The following PADI4 variants were observed in gnomAD, a reference collection of about 807,000 sequenced individuals.
PADI4 encodes the protein protein-arginine deiminase type-4.
In PADI4, 62 loss-of-function variants were observed where a neutral mutation model predicts 75.0. The observed-to-expected ratio is 0.83, with a 90% confidence interval of 0.67 to 1.02. The LOEUF (loss-of-function observed/expected upper bound fraction) is 1.02. PADI4 is among the 50% of genes least tolerant of loss of function. PADI4 has a pLI of 0.00. For missense variants in PADI4, 845 were observed against 850.5 expected, an observed-to-expected ratio of 0.99 and a Z score of 0.08; for synonymous variants, 361 against 348.1, an observed-to-expected ratio of 1.04 and a Z score of -0.41.
rs534042437 is a variant in PADI4, at chr1:17,312,719, G to C, written c.92+4405G>C. On this transcript the variant is annotated intron_variant, in intron 1 of 15. Transcript: ENST00000375448. ...AAGCAGAGGGATAACTTTGATTTCT[G>C]TCCTTTGTTCCATGCCTGTGAAGAT... Among the ~76,000 whole-genome samples, 3 of 152,232 alleles carry C rather than the reference G, an allele frequency of 2.0e-5. No individual in the cohort carries two copies. The East Asian group carries it at 5.8e-4, about 29-fold the overall frequency.
chr1:17,358,068 T>C (rs1271193291), intron 13 of PADI4, among the ~76,000 whole-genome samples: 1 of 151,200 alleles, frequency 6.6e-6, no homozygotes, highest in Non-Finnish European at 1.5e-5. Context: ...GCCAACGTGA[T>C]GAAACCCCGA....
At chr1:17,329,454 T>C (rs1004682317) in intron 1 of PADI4, among the ~76,000 whole-genome samples, 2 of 152,206 alleles carry the variant, frequency 1.3e-5, no homozygotes, top group East Asian at 1.9e-4. Context: ...GTATGTTACA[T>C]GTATTATATA....
intron 1 of PADI4, among the ~76,000 whole-genome samples, chr1:17,312,370 G>A (rs551485533): frequency 2.1e-5 from 3 of 146,320 alleles, no homozygotes; most frequent in African/African-American, 7.6e-5. Flanking sequence ...TGAGGCAAGA[G>A]AATCACTTGA....
At chr1:17,352,072 A>AGAGGCGGCCAGGGAGGTGATGGGAG (rs1557576974) in intron 10 of PADI4, among the ~76,000 whole-genome samples, 16 of 73,882 alleles carry the variant, frequency 2.2e-4, no homozygotes, top group South Asian at 4.6e-4. Context: ...GGAGGTGGGA[A>AGAGGCGGCCAGGGAGGTGATGGGAG]GAGAGGCAGT....
chr1:17,313,090 T>C (rs1375553380), intron 1 of PADI4, among the ~76,000 whole-genome samples: 2 of 151,778 alleles, frequency 1.3e-5, no homozygotes, highest in Non-Finnish European at 2.9e-5. Context: ...CTCGCGAGGG[T>C]GAGGCAAGAG....
chr1:17,356,024 T>G lies in PADI4; in HGVS notation c.1352T>G (p.Leu451Arg), dbSNP rs139459202. ...RQMHQALQDF[L>R]SAQQVQAPVK... ...ATGCACCAGGCCCTGCAGGACTTCC[T>G]CAGTGCCCAGCAGGTGCAGGCCCCT... is the stretch of plus-strand genomic sequence containing the variant. The change falls in exon 12 of 16, where the codon CTC (leucine) becomes CGC (arginine). Residue 451 changes from leucine to arginine, a missense_variant. Transcript: ENST00000375448. This position sits in a 1 kb window ranked among gnomAD's most constrained non-coding sequence, Gnocchi z 4.1. The G allele has an allele frequency of 1.1e-5, 17 of 1,613,998 alleles. No individual in the cohort carries two copies. In the African/African-American group the frequency reaches 1.7e-4, roughly 16 times the overall value.
chr1:17,319,686 A>G lies in PADI4; in HGVS notation c.93-11283A>G, dbSNP rs1399549791. Among the ~76,000 whole-genome samples, 9 of 152,220 alleles carry G rather than the reference A, an allele frequency of 5.9e-5. No individual in the cohort carries two copies. In the East Asian group the frequency reaches 1.7e-3, roughly 29 times the overall value. On this transcript the variant is annotated intron_variant, in intron 1 of 15. Coordinates refer to ENST00000375448, the MANE Select transcript of PADI4 (RefSeq NM_012387.3). Reference sequence around the variant, plus strand: ...AACCAGAATAGGTTCAGAAAGACTCAGGAGCTGCCACATGGTTGAACAATA... The same window carrying G: ...AACCAGAATAGGTTCAGAAAGACTCGGGAGCTGCCACATGGTTGAACAATA...
intron 10 of PADI4, among the ~76,000 whole-genome samples, chr1:17,352,080 A>C (rs865782706): frequency 2.4e-4 from 27 of 114,626 alleles, no homozygotes; most frequent in African/African-American, 1.0e-3. Context: ...GAAGAGAGGC[A>C]GTCAGGGAGG....
At chr1:17,334,776 A>T in intron 3 of PADI4, 1 of 358,232 alleles carries the variant, frequency 2.8e-6, no homozygotes, top group South Asian at 2.2e-5. Context: ...TCTTCTTTAA[A>T]TAAAATCCAT....
In PADI4 at chr1:17,355,977, T is replaced by C. The variant is rs2100246116; in HGVS notation, c.1311-6T>C. ...CGATAACACCCCTTTAACCCTGCCA[T>C]GACAGCAATGACAGCCGGCAGATGC... On this transcript the variant is annotated splice_polypyrimidine_tract_variant and splice_region_variant and intron_variant, in intron 11 of 15. Coordinates refer to ENST00000375448, the MANE Select transcript of PADI4 (RefSeq NM_012387.3). 1 of 1,614,140 alleles carries C rather than the reference T, an allele frequency of 6.2e-7. No individual in the cohort carries two copies. The highest frequency in any genetic ancestry group is 8.5e-7 in the Non-Finnish European group (1 of 1,180,006).
intron 1 of PADI4, among the ~76,000 whole-genome samples, chr1:17,318,902 A>T (rs1265819152): frequency 6.6e-6 from 1 of 151,864 alleles, no homozygotes; most frequent in African/African-American, 2.4e-5. Context: ...GTTAGCCAGG[A>T]TGGTCTCGAT....
chr1:17,354,384 C>T, intron 10 of PADI4, 149 bp from the exon 11 acceptor site: 1 of 716,686 alleles, frequency 1.4e-6, no homozygotes, highest in South Asian at 1.6e-5. Context: ...TTTAACCTTC[C>T]ACATGTGATA....
At position 17,358,871 on chromosome 1, in the gene PADI4, C is replaced by A; in HGVS notation, c.1592C>A (p.Ser531Ter). The A allele has an allele frequency of 6.2e-7, 1 of 1,608,126 alleles. No individual in the cohort carries two copies. Among genetic ancestry groups the A allele is most frequent in the Non-Finnish European group, 8.5e-7 (1 of 1,176,706 alleles). The change falls in exon 14 of 16, where the codon TCA becomes TAA. Residue 531 changes from serine (S) to a stop codon, truncating the protein, a stop_gained. Coordinates refer to ENST00000375448, the MANE Select transcript of PADI4 (RefSeq NM_012387.3). LOFTEE classifies it high-confidence loss of function. ...KKQQKIKNIL[S>*]NKTLREHNSF... Reference sequence around the variant, plus strand: ...CAGCAGAAAATAAAGAACATTCTGTCAAACAAGACATTGAGAGAACATAAT... The same window carrying A: ...CAGCAGAAAATAAAGAACATTCTGTAAAACAAGACATTGAGAGAACATAAT...
At chr1:17,354,087 A>G (rs969084547) in intron 10 of PADI4, among the ~76,000 whole-genome samples, 1 of 151,578 alleles carries the variant, frequency 6.6e-6, no homozygotes, top group African/African-American at 2.4e-5. Flanking sequence ...TAAAAAAAAA[A>G]AAAAATACAA....
At chr1:17,347,402 C>A (rs1337504032) in intron 9 of PADI4, among the ~76,000 whole-genome samples, 2 of 152,164 alleles carry the variant, frequency 1.3e-5, no homozygotes, top group African/African-American at 4.8e-5. Flanking sequence ...CCTGCGGAGG[C>A]GGAATTTTCA....
intron 4 of PADI4, 28 bp downstream of exon 4, chr1:17,336,254 T>C (rs1412052056): frequency 6.3e-7 from 1 of 1,590,956 alleles, no homozygotes; most frequent in Non-Finnish European, 8.6e-7. Flanking sequence ...GCTCCTTTCC[T>C]ACTTCTACTG....
intron 1 of PADI4, among the ~76,000 whole-genome samples, chr1:17,317,141 G>C (rs2073954696): frequency 6.6e-6 from 1 of 152,192 alleles, no homozygotes; most frequent in Non-Finnish European, 1.5e-5. Context: ...GCCCAGGCTG[G>C]TCTCAAACTT....
chr1:17,359,186 C>A (rs1162194867), intron 14 of PADI4, 94 bp from the exon 15 acceptor site: 2 of 931,140 alleles, frequency 2.1e-6, no homozygotes, highest in Non-Finnish European at 1.7e-6. Context: ...CCAGGTCCTA[C>A]CCTCCGGCAG....
chr1:17,352,402 T>C (rs534902866), intron 10 of PADI4, among the ~76,000 whole-genome samples: 1 of 152,192 alleles, frequency 6.6e-6, no homozygotes, highest in East Asian at 1.9e-4. Context: ...CACAGGGTCT[T>C]AAACAGAGGA....
Sources: allele counts gnomAD v4.1 joint callset (sites outside exome capture counted in the v4.1 genomes callset), GRCh38; gene constraint gnomAD v4.1.1; non-coding constraint Gnocchi (gnomAD v3.1); transcripts MANE v1.5; gene names NCBI Gene and HGNC (gene_info 2026-07-23, HGNC 2026-07-21).